The following HLA-DMB variants were observed in gnomAD, a reference collection of about 807,000 sequenced individuals.
HLA-DMB encodes the protein HLA class II histocompatibility antigen, DM beta chain.
HLA-DMB carries 18 observed loss-of-function variants against 29.3 expected under a neutral mutation model. That is an observed-to-expected ratio of 0.62 (90% CI 0.43 to 0.91). The LOEUF (loss-of-function observed/expected upper bound fraction) is 0.91, where lower values mean the gene tolerates loss of function less well. Ranked by LOEUF, HLA-DMB falls within the 40% of genes least tolerant of loss-of-function variation. The pLI, the probability that HLA-DMB is intolerant of heterozygous loss-of-function variation, is 0.00. For synonymous variants in HLA-DMB, 143 were observed against 128.7 expected (o/e 1.11, Z -0.75); for missense variants, 258 against 320.9 (o/e 0.80, Z 1.50).
rs778909659 is a variant in HLA-DMB, at chr6:32,934,725, C to T, written c.*246G>A. On this transcript the variant is annotated 3_prime_UTR_variant, in exon 6 of 6. Coordinates refer to ENST00000418107, the MANE Select transcript of HLA-DMB (RefSeq NM_002118.5). ...CCCCAGGAGGGTCTTTAACTCCCTT[C>T]CTCAGATTATATTCATCCCAGAAAT... The T allele has an allele frequency of 1.8e-6, 1 of 569,600 alleles. No homozygotes were observed. Among genetic ancestry groups the T allele is most frequent in the Non-Finnish European group, 3.1e-6 (1 of 321,124 alleles). The allele number at this position is 569,600 out of a possible 1,614,324, so 35.3% of individuals were successfully genotyped here. A position where few individuals can be genotyped will look rare whatever the true frequency, so the allele number is the denominator to read the frequency against.
rs1776105513 is a variant in HLA-DMB at position 32,937,938 on chromosome 6, C to T, written c.338-482G>A. Reference sequence around the variant, plus strand: ...AAACAAGCCTAACTTAGGACTCACTCTTAAATTTGGAATGAATGTAGTCAA... The same window carrying T: ...AAACAAGCCTAACTTAGGACTCACTTTTAAATTTGGAATGAATGTAGTCAA... On this transcript the variant is annotated intron_variant, in intron 2 of 5. Coordinates refer to ENST00000418107, the MANE Select transcript of HLA-DMB (RefSeq NM_002118.5). The surrounding 1 kb of genome is among the most constrained non-coding windows in gnomAD (Gnocchi z 4.1). 6.3e-6 allele frequency: 1 copy of T among 157,538 alleles called. No homozygotes were observed. Among genetic ancestry groups the T allele is most frequent in the African/African-American group, 2.4e-5 (1 of 41,630 alleles). 9.8% of individuals were successfully genotyped at this position (157,538 alleles called of 1,614,324 possible).
chr6:32,938,505 T>A, intron 2 of HLA-DMB, 179 bp downstream of exon 2: 1 of 560,922 alleles, frequency 1.8e-6, no homozygotes, highest in Non-Finnish European at 2.8e-6. Context: ...CCTGTTCCAC[T>A]CACGTCAGCC....
intron 3 of HLA-DMB, chr6:32,936,736 C>T (rs1370620984): frequency 6.4e-6 from 1 of 155,142 alleles, no homozygotes; most frequent in African/African-American, 2.4e-5. Context: ...CTCCCATCTG[C>T]TTCTGGCACC....
intron 1 of HLA-DMB, 56 bp downstream of exon 1, chr6:32,940,697 C>G: frequency 2.8e-6 from 4 of 1,435,996 alleles, no homozygotes; most frequent in Non-Finnish European, 3.9e-6. Flanking sequence ...AACGGAACAC[C>G]CTTACCCTGA....
intron 1 of HLA-DMB, among the ~76,000 whole-genome samples, chr6:32,939,522 G>T (rs116947377): frequency 6.6e-6 from 1 of 152,108 alleles, no homozygotes; most frequent in Non-Finnish European, 1.5e-5. Flanking sequence ...AATATCCTTT[G>T]TTAAAGGATG....
At position 32,937,772 on chromosome 6, in the gene HLA-DMB, A is replaced by C; in HGVS notation, c.338-316T>G. The stretch of plus-strand genomic sequence containing the variant: ...TATTTATTTCAAGTACATAAACTGG[A>C]AAGTATTTGAAATAAGGAAGCTAAG... On this transcript the variant is annotated intron_variant, in intron 2 of 5. Transcript: ENST00000418107. The surrounding 1 kb of genome is among the most constrained non-coding windows in gnomAD (Gnocchi z 4.1). 1 of 350,746 alleles carries C rather than the reference A, an allele frequency of 2.9e-6. No individual in the cohort carries two copies. Among genetic ancestry groups the C allele is most frequent in the East Asian group, 4.9e-5 (1 of 20,492 alleles). The allele number at this position is 350,746 out of a possible 1,614,324, so 21.7% of individuals were successfully genotyped here. A position where few individuals can be genotyped will look rare whatever the true frequency, so the allele number is the denominator to read the frequency against.
chr6:32,940,052 A>T (rs955962080), intron 1 of HLA-DMB, among the ~76,000 whole-genome samples: 1 of 152,124 alleles, frequency 6.6e-6, no homozygotes, highest in African/African-American at 2.4e-5. Flanking sequence ...GTAAAAAAAA[A>T]AAAAAAACCT....
chr6:32,934,804 A>C lies in HLA-DMB; in HGVS notation c.*167T>G. 1.5e-6 allele frequency: 1 copy of C among 680,352 alleles called. No individual in the cohort carries two copies. The allele number at this position is 680,352 out of a possible 1,614,324, so 42.1% of individuals were successfully genotyped here. A position where few individuals can be genotyped will look rare whatever the true frequency, so the allele number is the denominator to read the frequency against. ...CATAGTCCCAGGAATGAGGTCCCCC[A>C]AGTTGCTAAGTTTTACATAGGGGAG... On this transcript the variant is annotated 3_prime_UTR_variant, in exon 6 of 6. Coordinates refer to ENST00000418107, the MANE Select transcript of HLA-DMB (RefSeq NM_002118.5).
rs745762577 is a variant in HLA-DMB at position 32,937,380 on chromosome 6, C to T, written c.414G>A (p.Trp138Ter). The change falls in exon 3 of 6, where the codon TGG becomes TGA. Residue 138 changes from tryptophan (W) to a stop codon, truncating the protein, a stop_gained. Coordinates refer to ENST00000418107, the MANE Select transcript of HLA-DMB (RefSeq NM_002118.5). LOFTEE classifies it high-confidence loss of function. The surrounding 1 kb of genome is among the most constrained non-coding windows in gnomAD (Gnocchi z 4.1). The part of the protein sequence containing the change: ...REPVMLACYV[W>*]GFYPAEVTIT... ...TAGTCACTTCTGCTGGATAGAAGCC[C>T]CACACATAGCAGGCCAGCATCACAG... 1 of 1,614,058 alleles carries T rather than the reference C, an allele frequency of 6.2e-7. No homozygotes were observed. Among genetic ancestry groups the T allele is most frequent in the Non-Finnish European group, 8.5e-7 (1 of 1,180,026 alleles).
Position 32,941,024 on chromosome 6 carries a change from C to G in HLA-DMB, c.-217G>C, listed in dbSNP as rs1401041908. 5.9e-6 allele frequency: 3 copies of G among 511,292 alleles called. No homozygotes were observed. The highest frequency in any genetic ancestry group is 1.1e-5 in the Non-Finnish European group (3 of 282,250). The allele number at this position is 511,292 out of a possible 1,614,324, so 31.7% of individuals were successfully genotyped here. ...TCTGTTCCTTCCAGCTCACGGGAGT[C>G]CAGTGTCCCAAACAGGGACAGATTG... On this transcript the variant is annotated 5_prime_UTR_variant, in exon 1 of 6. Coordinates refer to ENST00000418107, the MANE Select transcript of HLA-DMB (RefSeq NM_002118.5). The surrounding 1 kb of genome is among the most constrained non-coding windows in gnomAD (Gnocchi z 5.2).
At position 32,937,498 on chromosome 6, in the gene HLA-DMB, T is replaced by A; in HGVS notation, c.338-42A>T. The A allele has an allele frequency of 6.4e-7, 1 of 1,557,636 alleles. No homozygotes were observed. The highest frequency in any genetic ancestry group is 8.8e-7 in the Non-Finnish European group (1 of 1,142,032). ...AACATGTTTAGGAAGGAGGGTGACATTCTGGCTGCTTCCTCAACCTGGTTT... is the reference window on the plus strand; with the variant it reads ...AACATGTTTAGGAAGGAGGGTGACAATCTGGCTGCTTCCTCAACCTGGTTT... On this transcript the variant is annotated intron_variant, in intron 2 of 5. Transcript: ENST00000418107. The surrounding 1 kb of genome is among the most constrained non-coding windows in gnomAD (Gnocchi z 4.1).
In HLA-DMB at chr6:32,937,512, TC is replaced by T. The variant is rs1288012150; in HGVS notation, c.338-57del. 6.5e-7 allele frequency: 1 copy of T among 1,537,384 alleles called. No individual in the cohort carries two copies. Among genetic ancestry groups the T allele is most frequent in the African/African-American group, 1.4e-5 (1 of 73,124 alleles). The stretch of plus-strand genomic sequence containing the variant: ...GGAGGGTGACATTCTGGCTGCTTCC[TC>T]AACCTGGTTTCTTCCCTATCGCAAC... On this transcript the variant is annotated intron_variant, in intron 2 of 5. Transcript: ENST00000418107. This position sits in a 1 kb window ranked among gnomAD's most constrained non-coding sequence, Gnocchi z 4.1.
At position 32,937,873 on chromosome 6, in the gene HLA-DMB, T is replaced by A. The variant is rs6909172; in HGVS notation, c.338-417A>T. ...TCTCCAAATCTTGTTTAATACGTTC[T>A]TTTGCTAGTTAAAGCTTTTTCTCCT... On this transcript the variant is annotated intron_variant, in intron 2 of 5. Transcript: ENST00000418107. This position sits in a 1 kb window ranked among gnomAD's most constrained non-coding sequence, Gnocchi z 4.1. 0.023 allele frequency: 4,051 copies of A among 177,348 alleles called. 68 individuals are homozygous for A. Among genetic ancestry groups the A allele is most frequent in the South Asian group, 0.039 (238 of 6,146 alleles). 11.0% of individuals were successfully genotyped at this position (177,348 alleles called of 1,614,324 possible). A position where few individuals can be genotyped will look rare whatever the true frequency, so the allele number is the denominator to read the frequency against.
In HLA-DMB at chr6:32,937,633, T is replaced by C. The variant is rs954165091; in HGVS notation, c.338-177A>G. 4 of 591,410 alleles carry C rather than the reference T, an allele frequency of 6.8e-6. No homozygotes were observed. The African/African-American group carries it at 7.4e-5, about 11-fold the overall frequency. 36.6% of individuals were successfully genotyped at this position (591,410 alleles called of 1,614,324 possible). On this transcript the variant is annotated intron_variant, in intron 2 of 5. Transcript: ENST00000418107. The surrounding 1 kb of genome is among the most constrained non-coding windows in gnomAD (Gnocchi z 4.1). ...GTTAGAATGTATTCCTGCATTACTC[T>C]TTCTTCTCTCCCATTCCTTCATTGC...
rs191286550 is a variant in HLA-DMB, at chr6:32,938,934, A to G, written c.87T>C (p.Cys29=). The G allele has an allele frequency of 3.0e-5, 48 of 1,593,978 alleles. No individual in the cohort carries two copies. The East Asian group carries it at 9.5e-4, about 32-fold the overall frequency. ...GGFVAHVEST[C]LLDDAGTPKD... ...TTGGAGTCCCAGCATCATCCAACAG[A>G]CAGGTGCTTTCCACATGGGCCACGA... The change falls in exon 2 of 6, where the codon TGT becomes TGC. Residue 29 remains cysteine (C), a synonymous_variant. Transcript: ENST00000418107.
chr6:32,940,640 T>C lies in HLA-DMB; in HGVS notation c.55+113A>G, dbSNP rs1286793365. 4.4e-6 allele frequency: 3 copies of C among 687,846 alleles called. No individual in the cohort carries two copies. In the East Asian group the frequency reaches 8.2e-5, roughly 19 times the overall value. The allele number at this position is 687,846 out of a possible 1,614,324, so 42.6% of individuals were successfully genotyped here. On this transcript the variant is annotated intron_variant, in intron 1 of 5. Coordinates refer to ENST00000418107, the MANE Select transcript of HLA-DMB (RefSeq NM_002118.5). ...TACAAAGTACAAAGTGCTATAGGAA[T>C]GTATACCAGGGAGACAAACTATCTG...
intron 3 of HLA-DMB, chr6:32,936,953 C>T (rs1776037119): frequency 5.1e-6 from 2 of 389,808 alleles, no homozygotes; most frequent in Non-Finnish European, 9.1e-6. Flanking sequence ...GCGGTTTTTG[C>T]CACTGAAAGT....
chr6:32,938,740 A>C lies in HLA-DMB; in HGVS notation c.281T>G (p.Leu94Arg). The C allele has an allele frequency of 6.3e-7, 1 of 1,591,370 alleles. No homozygotes were observed. Among genetic ancestry groups the C allele is most frequent in the South Asian group, 1.1e-5 (1 of 88,564 alleles). Reference sequence around the variant, plus strand: ...CTGGGTGTGTGTGGCACAATTCTGAAGCCCATTGCGCAAGCGCTGCATCAG... The same window carrying C: ...CTGGGTGTGTGTGGCACAATTCTGACGCCCATTGCGCAAGCGCTGCATCAG... ...DTLMQRLRNG[L>R]QNCATHTQPF... Residue 94 changes from leucine (L) to arginine (R), a missense_variant, in exon 2 of 6, where the codon CTT becomes CGT. Transcript: ENST00000418107.
At chr6:32,939,031 T>TAA (rs1489471250) in intron 1 of HLA-DMB, 66 bp from the exon 2 acceptor site, 3 of 959,758 alleles carry the variant, frequency 3.1e-6, no homozygotes, top group South Asian at 9.9e-5. Context: ...AATAAATAAA[T>TAA]ATATAAATAA....
Sources: gnomAD v4.1 joint callset for allele counts (sites outside exome capture counted in the v4.1 genomes callset) on GRCh38, gnomAD v4.1.1 for gene constraint, Gnocchi (gnomAD v3.1) non-coding constraint, MANE v1.5 for transcripts, NCBI Gene and HGNC (gene_info 2026-07-23, HGNC 2026-07-21) for gene names.